FBXL20: variants seen among roughly 807,000 people sequenced by gnomAD.
FBXL20 encodes the protein F-box/LRR-repeat protein 20.
In FBXL20, 11 loss-of-function variants were observed where a neutral mutation model predicts 64.0. That is an observed-to-expected ratio of 0.17 (90% confidence interval 0.11 to 0.28). FBXL20 has a LOEUF of 0.28. Ranked by LOEUF, FBXL20 falls within the 10% of genes least tolerant of loss-of-function variation. The pLI is 1.00. For missense variants in FBXL20, 303 were observed against 526.2 expected (o/e 0.58, Z 4.15); for synonymous variants, 184 against 189.0 (o/e 0.97, Z 0.22).
chr17:39,354,424 T>A (rs1406937369), intron 1 of FBXL20, among the ~76,000 whole-genome samples: 1 of 152,210 alleles, frequency 6.6e-6, no homozygotes, highest in Non-Finnish European at 1.5e-5. Flanking sequence ...GTTAACTGGA[T>A]GTGACTGTTC....
At chr17:39,392,383 T>G (rs939032525) in intron 1 of FBXL20, among the ~76,000 whole-genome samples, 5 of 143,802 alleles carry the variant, frequency 3.5e-5, no homozygotes, top group Admixed American at 7.4e-5. Context: ...GAGGTTGCAG[T>G]GAGCGAAGAT....
intron 1 of FBXL20, among the ~76,000 whole-genome samples, chr17:39,344,695 A>C (rs1010966222): frequency 2.0e-5 from 3 of 152,170 alleles, no homozygotes. Context: ...AGACTGAGGC[A>C]TGAGAATCAC....
chr17:39,278,765 C>T (rs879678251), intron 9 of FBXL20, among the ~76,000 whole-genome samples: 1 of 108,122 alleles, frequency 9.2e-6, no homozygotes, highest in Non-Finnish European at 1.8e-5. Flanking sequence ...AGGCTGGTCT[C>T]GATCTCCTGA....
At position 39,386,605 on chromosome 17, in the gene FBXL20, CTGAG is replaced by C. The variant is rs528351928; in HGVS notation, c.42+14752_42+14755del. Among the ~76,000 whole-genome samples, 75 of 152,308 alleles carry C rather than the reference CTGAG, an allele frequency of 4.9e-4. 4 individuals are homozygous for C. In the South Asian group the frequency reaches 0.014, roughly 29 times the overall value. Reference sequence around the variant, plus strand: ...CGTCACTGTACTCCAGCCTGGGTGACTGAGTGAGACTCCGTCTCAAAAAATAATA... The same window carrying C: ...CGTCACTGTACTCCAGCCTGGGTGACTGAGACTCCGTCTCAAAAAATAATA... On this transcript the variant is annotated intron_variant, in intron 1 of 14. Coordinates refer to ENST00000264658, the MANE Select transcript of FBXL20 (RefSeq NM_032875.3).
intron 1 of FBXL20, among the ~76,000 whole-genome samples, chr17:39,345,350 C>A (rs1203352816): frequency 6.6e-6 from 1 of 151,918 alleles, no homozygotes; most frequent in African/African-American, 2.4e-5. Flanking sequence ...GGAGTTGTAT[C>A]TAAATTGAGC....
rs1020201991 is a variant in FBXL20, at chr17:39,317,314, C to T, written c.105-13675G>A. Reference sequence around the variant, plus strand: ...TGGTGCTATCTTGGCTCACTGCAACCTCCGCTTCCGGGGTTCAACTGATTC... The same window carrying T: ...TGGTGCTATCTTGGCTCACTGCAACTTCCGCTTCCGGGGTTCAACTGATTC... On this transcript the variant is annotated intron_variant, in intron 2 of 14. Transcript: ENST00000264658. 3.3e-5 allele frequency among the ~76,000 whole-genome samples: 5 copies of T among 152,224 alleles called. No homozygotes were observed. The East Asian group carries it at 9.7e-4, about 30-fold the overall frequency.
At chr17:39,336,887 G>C (rs1320370634) in intron 2 of FBXL20, among the ~76,000 whole-genome samples, 1 of 151,338 alleles carries the variant, frequency 6.6e-6, no homozygotes, top group African/African-American at 2.4e-5. Context: ...CACCATAGTA[G>C]CAAACTCCAC....
chr17:39,400,680 G>A (rs141547087), intron 1 of FBXL20, among the ~76,000 whole-genome samples: 2 of 152,202 alleles, frequency 1.3e-5, no homozygotes, highest in East Asian at 3.9e-4. Context: ...AACCTCCCTC[G>A]CTAGAGGAGA....
chr17:39,306,810 A>G (rs1306261695), intron 2 of FBXL20, among the ~76,000 whole-genome samples: 1 of 152,184 alleles, frequency 6.6e-6, no homozygotes, highest in Non-Finnish European at 1.5e-5. Flanking sequence ...TTTTTCTCCA[A>G]CTGTAGAGGC....
intron 6 of FBXL20, among the ~76,000 whole-genome samples, chr17:39,292,791 ATTT>A (rs566595490): frequency 0.012 from 1,528 of 131,220 alleles, 26 homozygotes; most frequent in African/African-American, 0.04. Context: ...ATGTCTTATA[ATTT>A]TTTTTTTTTT....
At chr17:39,279,081 T>A (rs1380960457) in intron 9 of FBXL20, among the ~76,000 whole-genome samples, 3 of 151,452 alleles carry the variant, frequency 2.0e-5, no homozygotes, top group Non-Finnish European at 4.4e-5. Context: ...GAGATGGAGG[T>A]TGCAGAGAGC....
chr17:39,355,080 C>T (rs573773707), intron 1 of FBXL20, among the ~76,000 whole-genome samples: 17 of 152,160 alleles, frequency 1.1e-4, no homozygotes, highest in African/African-American at 3.4e-4. Context: ...TATAGGCATG[C>T]GCCACCATGC....
Position 39,258,151 on chromosome 17 carries a change from T to C in FBXL20, c.*3309A>G, listed in dbSNP as rs997113229. 2 of 152,132 alleles carry C rather than the reference T, an allele frequency of 1.3e-5. No individual in the cohort carries two copies. Among genetic ancestry groups the C allele is most frequent in the African/African-American group, 4.8e-5 (2 of 41,428 alleles). 9.4% of individuals were successfully genotyped at this position (152,132 alleles called of 1,614,324 possible). A position where few individuals can be genotyped will look rare whatever the true frequency, so the allele number is the denominator to read the frequency against. On this transcript the variant is annotated 3_prime_UTR_variant, in exon 15 of 15. Coordinates refer to ENST00000264658, the MANE Select transcript of FBXL20 (RefSeq NM_032875.3). ...CCATTATAAAAGGCATATTTTGGAG[T>C]GGCTATGAGGTTAGACAAACAGATC... is the stretch of plus-strand genomic sequence containing the variant.
At chr17:39,350,177 T>G (rs2047674184) in intron 1 of FBXL20, among the ~76,000 whole-genome samples, 1 of 152,198 alleles carries the variant, frequency 6.6e-6, no homozygotes, top group African/African-American at 2.4e-5. Context: ...TATATGTTGT[T>G]CACATGACTT....
At chr17:39,350,781 G>A (rs1266744795) in intron 1 of FBXL20, among the ~76,000 whole-genome samples, 1 of 152,174 alleles carries the variant, frequency 6.6e-6, no homozygotes, top group Non-Finnish European at 1.5e-5. Flanking sequence ...CTGAGCAGGA[G>A]TATCAGCATC....
chr17:39,383,069 C>A (rs146235824), intron 1 of FBXL20, among the ~76,000 whole-genome samples: 1 of 148,026 alleles, frequency 6.8e-6, no homozygotes, highest in Admixed American at 6.9e-5. Flanking sequence ...AGGCTCAGGT[C>A]GGAGAATCTC....
intron 7 of FBXL20, among the ~76,000 whole-genome samples, chr17:39,283,780 C>A (rs2046967107): frequency 6.6e-6 from 1 of 152,030 alleles, no homozygotes; most frequent in African/African-American, 2.4e-5. Flanking sequence ...TTGTTGATTC[C>A]ATCTACTCTT....
chr17:39,310,780 G>A (rs899849885), intron 2 of FBXL20, among the ~76,000 whole-genome samples: 5 of 152,108 alleles, frequency 3.3e-5, no homozygotes, highest in African/African-American at 1.2e-4. Context: ...GAGGTCAGGA[G>A]CTCAAGACCA....
intron 9 of FBXL20, among the ~76,000 whole-genome samples, chr17:39,276,561 C>T (rs1055407413): frequency 1.6e-4 from 24 of 152,030 alleles, no homozygotes; most frequent in African/African-American, 5.5e-4. Flanking sequence ...CCCAGCTACT[C>T]GGGAGGCTGA....
Sources: allele counts gnomAD v4.1 joint callset (sites outside exome capture counted in the v4.1 genomes callset), GRCh38; gene constraint gnomAD v4.1.1; transcripts MANE v1.5; gene names NCBI Gene and HGNC (gene_info 2026-07-23, HGNC 2026-07-21).